LINGO2: variants seen among roughly 807,000 people sequenced by gnomAD.
The protein encoded by LINGO2 is leucine rich repeat and Ig domain containing 2.
A neutral mutation model predicts 30.6 loss-of-function variants in LINGO2; 14 were observed. The observed-to-expected ratio is 0.46, with a 90% CI of 0.30 to 0.72. The LOEUF (loss-of-function observed/expected upper bound fraction) is 0.72, where lower values mean the gene tolerates loss of function less well. LINGO2 is among the 30% of genes least tolerant of loss of function. The pLI, the probability that LINGO2 is intolerant of heterozygous loss-of-function variation, is 0.07. For missense variants in LINGO2, 729 were observed against 751.7 expected (o/e 0.97, Z 0.35); for synonymous variants, 317 against 288.5 (o/e 1.10, Z -1.00).
chr9:28,433,250 G>A (rs10968595), intron 2 of LINGO2, among the ~76,000 whole-genome samples: 45,649 of 151,818 alleles, frequency 0.3, 7,825 homozygotes, highest in Non-Finnish European at 0.38. Flanking sequence ...TAAAACCCAC[G>A]CCTGTTATCC....
At chr9:28,956,849 C>G in the LINGO2 span, among the ~76,000 whole-genome samples, 76,044 of 146,348 alleles carry the variant, frequency 0.52, 20,840 homozygotes, top group Non-Finnish European at 0.6. Flanking sequence ...GATTCTAAGA[C>G]TACCACAATG....
At chr9:28,297,177 C>G (rs1458933976) in intron 3 of LINGO2, among the ~76,000 whole-genome samples, 1 of 152,114 alleles carries the variant, frequency 6.6e-6, no homozygotes, top group Admixed American at 6.6e-5. Flanking sequence ...ACTTCTCATA[C>G]TTTGGTTCTG....
intron 1 of LINGO2, among the ~76,000 whole-genome samples, chr9:28,520,205 G>C (rs1373244464): frequency 1.3e-5 from 2 of 152,092 alleles, no homozygotes; most frequent in South Asian, 2.1e-4. Context: ...GTAGAATACT[G>C]AGTAGAAACT....
At chr9:29,031,372 T>G in the LINGO2 span, among the ~76,000 whole-genome samples, 3 of 152,022 alleles carry the variant, frequency 2.0e-5, no homozygotes, top group Non-Finnish European at 4.4e-5. Context: ...AACCTCCATC[T>G]CCAGGGTTCA....
At chr9:28,494,830 A>C (rs928068901) in intron 1 of LINGO2, among the ~76,000 whole-genome samples, 79 of 152,196 alleles carry the variant, frequency 5.2e-4, no homozygotes, top group Admixed American at 1.0e-3. Context: ...TTACAGTCCC[A>C]CCAACAGTGT....
At chr9:28,028,342 A>C (rs1823486915) in intron 4 of LINGO2, among the ~76,000 whole-genome samples, 1 of 152,150 alleles carries the variant, frequency 6.6e-6, no homozygotes, top group Non-Finnish European at 1.5e-5. Context: ...TCACTTTAGC[A>C]GCTTTTCAAG....
chr9:28,798,182 G>A, the LINGO2 span, among the ~76,000 whole-genome samples: 1,652 of 152,120 alleles, frequency 0.011, 37 homozygotes, highest in African/African-American at 0.038. Context: ...GATATAGGTT[G>A]GTAGTTAAAG....
chr9:28,794,259 G>A, the LINGO2 span, among the ~76,000 whole-genome samples: 5 of 152,118 alleles, frequency 3.3e-5, no homozygotes, highest in East Asian at 1.9e-4. Context: ...AGCCGAGATC[G>A]CGCCACTGCA....
At position 28,551,118 on chromosome 9, in the gene LINGO2, C is replaced by A. The variant is rs1587843595; in HGVS notation, c.-364-75093G>T. ...GTAAAGTCATTGAGTAGCCTCTCTTCCAAATATAAAACAATAAAAAGATAA... is the reference window on the plus strand; with the variant it reads ...GTAAAGTCATTGAGTAGCCTCTCTTACAAATATAAAACAATAAAAAGATAA... On this transcript the variant is annotated intron_variant, in intron 1 of 5. Transcript: ENST00000379992. 3.3e-5 allele frequency among the ~76,000 whole-genome samples: 5 copies of A among 151,708 alleles called. No homozygotes were observed. In the South Asian group the frequency reaches 1.0e-3, roughly 31 times the overall value.
the LINGO2 span, among the ~76,000 whole-genome samples, chr9:28,734,953 T>C: frequency 6.6e-6 from 1 of 152,184 alleles, no homozygotes; most frequent in Non-Finnish European, 1.5e-5. Flanking sequence ...ATTCTTTTTG[T>C]GTTGTTTTAT....
At chr9:28,075,940 G>A (rs995589791) in intron 4 of LINGO2, among the ~76,000 whole-genome samples, 2 of 151,322 alleles carry the variant, frequency 1.3e-5, no homozygotes, top group Non-Finnish European at 3.0e-5. Context: ...TTTGCTTTTT[G>A]TGCTGTGCAT....
At chr9:28,374,843 G>A (rs1821057086) in intron 2 of LINGO2, among the ~76,000 whole-genome samples, 1 of 151,922 alleles carries the variant, frequency 6.6e-6, no homozygotes, top group Non-Finnish European at 1.5e-5. Flanking sequence ...CTTTTAATTT[G>A]ACAAATTGAC....
chr9:28,909,496 C>T, the LINGO2 span, among the ~76,000 whole-genome samples: 1 of 151,774 alleles, frequency 6.6e-6, no homozygotes, highest in Non-Finnish European at 1.5e-5. Context: ...TGTGTGATTG[C>T]CTATTGCCTA....
At position 28,111,148 on chromosome 9, in the gene LINGO2, A is replaced by G. The variant is rs111738563; in HGVS notation, c.-86-98743T>C. Among the ~76,000 whole-genome samples the G allele has an allele frequency of 6.3e-3, 956 of 152,264 alleles. 16 individuals are homozygous for G. The highest frequency in any genetic ancestry group is 0.022 in the African/African-American group (908 of 41,526). On this transcript the variant is annotated intron_variant, in intron 4 of 5. Coordinates refer to ENST00000379992, the Ensembl canonical transcript of LINGO2. ...AACTAACACAGGTACAGAAAACCAA[A>G]CATCACATGTTCTCACTCATAAGTG... is the stretch of plus-strand genomic sequence containing the variant.
intron 2 of LINGO2, among the ~76,000 whole-genome samples, chr9:28,431,680 T>A (rs1823682104): frequency 6.6e-6 from 1 of 152,206 alleles, no homozygotes. Context: ...TGGCAGTTCC[T>A]TGCAGTATAT....
intron 1 of LINGO2, among the ~76,000 whole-genome samples, chr9:28,491,096 C>T (rs1216523423): frequency 1.3e-5 from 2 of 152,108 alleles, no homozygotes; most frequent in African/African-American, 4.8e-5. Flanking sequence ...TTTCTTGTTG[C>T]CATTGTAACA....
chr9:28,144,000 T>C (rs1442662577), intron 4 of LINGO2, among the ~76,000 whole-genome samples: 1 of 152,162 alleles, frequency 6.6e-6, no homozygotes, highest in Non-Finnish European at 1.5e-5. Context: ...CCGAGAGTCC[T>C]TTTTGGAATA....
At chr9:28,200,464 G>C (rs1377300128) in intron 4 of LINGO2, among the ~76,000 whole-genome samples, 1 of 151,724 alleles carries the variant, frequency 6.6e-6, no homozygotes, top group Non-Finnish European at 1.5e-5. Flanking sequence ...GGTTAGGTTA[G>C]AGCAATCCTT....
intron 2 of LINGO2, among the ~76,000 whole-genome samples, chr9:28,416,131 C>G (rs1822957551): frequency 6.6e-6 from 1 of 152,132 alleles, no homozygotes; most frequent in South Asian, 2.1e-4. Context: ...ATACCACTAT[C>G]ACATGTGACA....
Sources: allele counts gnomAD v4.1 joint callset (sites outside exome capture counted in the v4.1 genomes callset), GRCh38; gene constraint gnomAD v4.1.1; transcripts MANE v1.5; gene names NCBI Gene and HGNC (gene_info 2026-07-23, HGNC 2026-07-21).